BRAF: variants seen among roughly 807,000 people sequenced by gnomAD.
The protein encoded by BRAF is B-Raf proto-oncogene, serine/threonine kinase.
BRAF carries 16 observed loss-of-function variants against 104.6 expected under a neutral mutation model. The observed-to-expected ratio is 0.15, with a 90% CI of 0.10 to 0.23. BRAF has a LOEUF of 0.23. Ranked by LOEUF, BRAF falls within the 10% of genes least tolerant of loss-of-function variation. The pLI, the probability that BRAF is intolerant of heterozygous loss-of-function variation, is 1.00. For missense variants in BRAF, 541 were observed against 937.3 expected (o/e 0.58, Z 5.52); for synonymous variants, 310 against 341.6 (o/e 0.91, Z 1.02).
chr7:140,763,408 G>A (rs1562947395), intron 14 of BRAF, among the ~76,000 whole-genome samples: 2 of 151,406 alleles, frequency 1.3e-5, no homozygotes, highest in South Asian at 2.1e-4. Flanking sequence ...CAGTAGGGGC[G>A]GCCGGGCAGA....
chr7:140,722,335 AATT>A lies in BRAF; in HGVS notation c.*4156_*4158del, dbSNP rs1795362018. 7 of 1,055,312 alleles carry A rather than the reference AATT, an allele frequency of 6.6e-6. No individual in the cohort carries two copies. The highest frequency in any genetic ancestry group is 8.0e-6 in the Non-Finnish European group (7 of 872,986). 65.4% of individuals were successfully genotyped at this position (1,055,312 alleles called of 1,614,324 possible). ...TATGCAGTCTAAATTGCACTCTAAA[AATT>A]ATTAACACAGCTGAGTTAAACCAGA... On this transcript the variant is annotated 3_prime_UTR_variant, in exon 20 of 20. Coordinates refer to ENST00000644969, the MANE Select transcript of BRAF (RefSeq NM_001374258.1).
At chr7:140,847,262 C>G (rs576224461) in intron 2 of BRAF, among the ~76,000 whole-genome samples, 3 of 151,216 alleles carry the variant, frequency 2.0e-5, no homozygotes, top group African/African-American at 7.3e-5. Context: ...CTTAAAAAGG[C>G]GGAGATTGTT....
chr7:140,883,992 T>G (rs990792066), intron 1 of BRAF: 3 of 152,120 alleles, frequency 2.0e-5, no homozygotes, highest in Non-Finnish European at 4.4e-5. Context: ...AATAAGATGG[T>G]ATTTCCAACA....
At chr7:140,719,103 C>T (rs1476553926), downstream of BRAF, among the ~76,000 whole-genome samples, 3 of 152,154 alleles carry the variant, frequency 2.0e-5, no homozygotes, top group Non-Finnish European at 2.9e-5. Flanking sequence ...GGGTCATCAC[C>T]AACACCTGAC....
chr7:140,724,311 G>C lies in BRAF; in HGVS notation c.*2183C>G, dbSNP rs1011707896. ...TTCAAGCCCAGGTCTCTCTACCTGCGGAAACTTGAAGCCAATCTTGGTAAA... is the reference window on the plus strand; with the variant it reads ...TTCAAGCCCAGGTCTCTCTACCTGCCGAAACTTGAAGCCAATCTTGGTAAA... On this transcript the variant is annotated 3_prime_UTR_variant, in exon 20 of 20. Transcript: ENST00000644969. 1.0e-5 allele frequency: 11 copies of C among 1,056,200 alleles called. No individual in the cohort carries two copies. Among genetic ancestry groups the C allele is most frequent in the African/African-American group, 1.7e-5 (1 of 60,468 alleles). The allele number at this position is 1,056,200 out of a possible 1,614,324, so 65.4% of individuals were successfully genotyped here. A position where few individuals can be genotyped will look rare whatever the true frequency, so the allele number is the denominator to read the frequency against.
At chr7:140,809,058 TA>T (rs1013787717) in intron 3 of BRAF, 63 bp from the exon 4 acceptor site, 23 of 1,343,070 alleles carry the variant, frequency 1.7e-5, no homozygotes, top group African/African-American at 2.9e-5. Context: ...TTCATATCAT[TA>T]AAAAAATTTA....
intron 8 of BRAF, 85 bp downstream of exon 8, chr7:140,794,223 A>G: frequency 6.6e-7 from 1 of 1,513,700 alleles, no homozygotes; most frequent in African/African-American, 1.4e-5. Flanking sequence ...AATGGCACTT[A>G]TTTCTGATCT....
At chr7:140,828,483 G>T (rs1019131828) in intron 3 of BRAF, among the ~76,000 whole-genome samples, 9 of 152,110 alleles carry the variant, frequency 5.9e-5, no homozygotes. Flanking sequence ...AGTTGAGAGA[G>T]ATATTTCTAG....
intron 1 of BRAF, among the ~76,000 whole-genome samples, chr7:140,920,464 A>G (rs1818096083): frequency 6.6e-6 from 1 of 152,164 alleles, no homozygotes; most frequent in Non-Finnish European, 1.5e-5. Flanking sequence ...CAGCTGCTAT[A>G]TCCAGACCCA....
At chr7:140,719,277 GCTGA>G (rs1206842122), downstream of BRAF, 117 of 780,760 alleles carry the variant, frequency 1.5e-4, no homozygotes, top group Non-Finnish European at 1.8e-4. Context: ...TGTTAAAACT[GCTGA>G]CTACTTTTGT....
chr7:140,884,117 G>A lies in BRAF; in HGVS notation c.139-33905C>T, dbSNP rs73736233. 545 of 152,236 alleles carry A rather than the reference G, an allele frequency of 3.6e-3. 3 individuals carry two copies. The highest frequency in any genetic ancestry group is 0.012 in the African/African-American group (513 of 41,546). 9.4% of individuals were successfully genotyped at this position (152,236 alleles called of 1,614,324 possible). On this transcript the variant is annotated intron_variant, in intron 1 of 19. Coordinates refer to ENST00000644969, the MANE Select transcript of BRAF (RefSeq NM_001374258.1). ...TATACTAAAATTGGAATAATACAGA[G>A]AAGATAGGCATGGCCCTTGCCTAAG...
At position 140,904,475 on chromosome 7, in the gene BRAF, A is replaced by G. The variant is rs1447495367; in HGVS notation, c.138+20091T>C. ...AGGGAGGGGTGTCAAGAAACTTCGT[A>G]TCTAAAGACATAACATTTGATTCTC... On this transcript the variant is annotated intron_variant, in intron 1 of 19. Coordinates refer to ENST00000644969, the MANE Select transcript of BRAF (RefSeq NM_001374258.1). Among the ~76,000 whole-genome samples the G allele has an allele frequency of 2.0e-5, 3 of 152,200 alleles. No homozygotes were observed. In the East Asian group the frequency reaches 5.8e-4, roughly 29 times the overall value.
Position 140,783,206 on chromosome 7 carries a change from T to C in BRAF, c.1298-49A>G. On this transcript the variant is annotated intron_variant, in intron 10 of 19. Coordinates refer to ENST00000644969, the MANE Select transcript of BRAF (RefSeq NM_001374258.1). The stretch of plus-strand genomic sequence containing the variant: ...TATACATTAAGGAGGAGCAAGTATG[T>C]TAATTTATCAGGGGTAGAAGGTTGG... 3 of 1,604,784 alleles carry C rather than the reference T, an allele frequency of 1.9e-6. No homozygotes were observed. The South Asian group carries it at 3.3e-5, about 18-fold the overall frequency.
chr7:140,835,635 T>G (rs1807244111), intron 2 of BRAF: 1 of 151,688 alleles, frequency 6.6e-6, no homozygotes, highest in Admixed American at 6.6e-5. Flanking sequence ...GCCAAGAAAT[T>G]ATGGGGCTAC....
At chr7:140,762,685 G>A (rs1477963332) in intron 14 of BRAF, among the ~76,000 whole-genome samples, 3 of 149,766 alleles carry the variant, frequency 2.0e-5, no homozygotes, top group African/African-American at 7.4e-5. Flanking sequence ...TAGGACAATA[G>A]TGGAGGGAAG....
downstream of BRAF, among the ~76,000 whole-genome samples, chr7:140,715,304 C>G (rs1264242724): frequency 6.6e-6 from 1 of 152,140 alleles, no homozygotes; most frequent in South Asian, 2.1e-4. Flanking sequence ...GACACTTCTC[C>G]GGTTTTGTGT....
rs1264398721 is a variant in BRAF at position 140,725,617 on chromosome 7, A to G, written c.*877T>C. The stretch of plus-strand genomic sequence containing the variant: ...CGGCATTTTGTGCCCTGGACAAAGT[A>G]GCCGCATAAGTAGTTGGTGACTGGA... On this transcript the variant is annotated 3_prime_UTR_variant, in exon 20 of 20. Transcript: ENST00000644969. The G allele has an allele frequency of 1.9e-6, 2 of 1,058,516 alleles. No homozygotes were observed. Among genetic ancestry groups the G allele is most frequent in the Non-Finnish European group, 2.3e-6 (2 of 875,102 alleles). 65.6% of individuals were successfully genotyped at this position (1,058,516 alleles called of 1,614,324 possible).
Position 140,924,326 on chromosome 7 carries a change from C to T in BRAF, c.138+240G>A, listed in dbSNP as rs908399616. Among the ~76,000 whole-genome samples the T allele has an allele frequency of 2.0e-4, 31 of 152,270 alleles. No homozygotes were observed. The highest frequency in any genetic ancestry group is 7.0e-4 in the African/African-American group (29 of 41,570). On this transcript the variant is annotated intron_variant, in intron 1 of 19. Transcript: ENST00000644969. The surrounding 1 kb of genome is among the most constrained non-coding windows in gnomAD (Gnocchi z 4.2). ...GCCTCCCGCTCAACCACCGCTGCCC[C>T]AATCCCCACATCTGGGGTGGGGGCC...
chr7:140,730,211 C>T (rs974125607), intron 19 of BRAF, among the ~76,000 whole-genome samples: 3 of 151,812 alleles, frequency 2.0e-5, no homozygotes, highest in Admixed American at 1.3e-4. Context: ...ATTTGAAGAG[C>T]CAACTCTGCT....
Sources: gnomAD v4.1 joint callset for allele counts (sites outside exome capture counted in the v4.1 genomes callset) on GRCh38, gnomAD v4.1.1 for gene constraint, Gnocchi (gnomAD v3.1) non-coding constraint, MANE v1.5 for transcripts, NCBI Gene and HGNC (gene_info 2026-07-23, HGNC 2026-07-21) for gene names.